The following TTLL5 variants were observed in gnomAD, a reference collection of about 807,000 sequenced individuals.
TTLL5 encodes the protein tubulin polyglutamylase TTLL5.
Under a neutral mutation model 168.4 loss-of-function variants are expected in TTLL5, and 132 were observed. The ratio of observed to expected loss-of-function variants is 0.78; its 90% CI spans 0.68 to 0.91. The LOEUF is 0.91. TTLL5 is among the 40% of genes least tolerant of loss of function. The probability of loss-of-function intolerance (pLI) is 0.00; values close to 1 mark genes in which losing one functional copy is unlikely to be tolerated. For missense variants in TTLL5, 1,545 were observed against 1,581.5 expected (o/e 0.98, Z 0.39); for synonymous variants, 546 against 558.6 (o/e 0.98, Z 0.32).
chr14:75,806,771 T>C (rs563469275), intron 27 of TTLL5, among the ~76,000 whole-genome samples: 2 of 152,360 alleles, frequency 1.3e-5, no homozygotes, highest in South Asian at 2.1e-4. Context: ...AAAAATGTGC[T>C]GATTCGACTG....
At chr14:75,878,683 G>A (rs2031635185) in intron 29 of TTLL5, among the ~76,000 whole-genome samples, 2 of 152,176 alleles carry the variant, frequency 1.3e-5, no homozygotes, top group Admixed American at 6.5e-5. Context: ...TTTTATCTAG[G>A]CAAGTGGCAG....
intron 27 of TTLL5, among the ~76,000 whole-genome samples, chr14:75,810,614 G>A (rs1369274646): frequency 6.6e-6 from 1 of 152,110 alleles, no homozygotes; most frequent in Non-Finnish European, 1.5e-5. Flanking sequence ...TGACCCTCCT[G>A]CCTCAGCCCC....
At chr14:75,720,786 T>A in intron 12 of TTLL5, 83 bp downstream of exon 12, 1 of 1,108,988 alleles carries the variant, frequency 9.0e-7, no homozygotes, top group Non-Finnish European at 1.4e-6. Context: ...AGAGGCTTAG[T>A]GATTCTATAG....
At chr14:75,878,545 T>G (rs979993841) in intron 29 of TTLL5, among the ~76,000 whole-genome samples, 2 of 152,216 alleles carry the variant, frequency 1.3e-5, no homozygotes, top group Non-Finnish European at 2.9e-5. Flanking sequence ...CATCTCATTG[T>G]CCAGAACATA....
chr14:75,698,313 A>T (rs1170508866), intron 6 of TTLL5, among the ~76,000 whole-genome samples: 1 of 152,212 alleles, frequency 6.6e-6, no homozygotes, highest in Non-Finnish European at 1.5e-5. Context: ...TAAAGTGTAA[A>T]GCTGAACCTG....
Position 75,745,135 on chromosome 14 carries a change from A to T in TTLL5, c.1322A>T (p.Asn441Ile). ...TCTGCCAGTGATGCGGAAATGAAAA[A>T]CCTCGTGGGCTCAGCCCGGGAGAAA... ...PLSASDAEMK[N>I]LVGSAREKGP... Residue 441 changes from asparagine to isoleucine, a missense_variant, in exon 16 of 32, where the codon AAC becomes ATC. By Grantham distance (149) the Asn-to-Ile change is moderately radical. Coordinates refer to ENST00000298832, the MANE Select transcript of TTLL5 (RefSeq NM_015072.5). The T allele has an allele frequency of 6.2e-7, 1 of 1,613,520 alleles. No individual in the cohort carries two copies. The highest frequency in any genetic ancestry group is 8.5e-7 in the Non-Finnish European group (1 of 1,179,716).
At chr14:75,678,354 C>T (rs1052889901) in intron 3 of TTLL5, among the ~76,000 whole-genome samples, 3 of 152,196 alleles carry the variant, frequency 2.0e-5, no homozygotes, top group African/African-American at 7.2e-5. Flanking sequence ...CATTATTCAG[C>T]TTGTGACTCC....
In TTLL5 at chr14:75,745,534, T is replaced by C; in HGVS notation, c.1440T>C (p.Gly480=). 6.2e-7 allele frequency: 1 copy of C among 1,613,910 alleles called. No homozygotes were observed. Among genetic ancestry groups the C allele is most frequent in the Non-Finnish European group, 8.5e-7 (1 of 1,179,968 alleles). The part of the protein sequence containing the change: ...RRVKEENDRR[G]GFIRIFPTSE... The stretch of plus-strand genomic sequence containing the variant: ...TGAAGGAGGAGAATGATCGGCGAGG[T>C]GGATTTATTCGCATATTTCCTACAT... Residue 480 remains glycine, a synonymous_variant, in exon 17 of 32, where the codon GGT becomes GGC. Transcript: ENST00000298832.
intron 7 of TTLL5, among the ~76,000 whole-genome samples, chr14:75,700,988 G>A (rs185944249): frequency 1.3e-5 from 2 of 151,042 alleles, no homozygotes; most frequent in East Asian, 1.9e-4. Flanking sequence ...ATTTGTCTCC[G>A]CTTTTAGAAC....
chr14:75,682,684 A>G (rs1884713417), intron 4 of TTLL5, among the ~76,000 whole-genome samples: 2 of 152,172 alleles, frequency 1.3e-5, no homozygotes, highest in Admixed American at 6.5e-5. Context: ...CACTTCCACT[A>G]TAGACACTTT....
At chr14:75,932,154 T>C (rs1323090295) in intron 31 of TTLL5, among the ~76,000 whole-genome samples, 1 of 152,242 alleles carries the variant, frequency 6.6e-6, no homozygotes, top group Admixed American at 6.5e-5. Flanking sequence ...CAACTACTTC[T>C]GTACTTCTTG....
chr14:75,674,720 G>A (rs1460060970), intron 3 of TTLL5, among the ~76,000 whole-genome samples: 2 of 152,030 alleles, frequency 1.3e-5, no homozygotes, highest in African/African-American at 4.8e-5. Flanking sequence ...GTCCCTGAAT[G>A]TGTTTATTTA....
intron 17 of TTLL5, among the ~76,000 whole-genome samples, chr14:75,750,098 A>G (rs1011993526): frequency 1.6e-4 from 24 of 152,124 alleles, no homozygotes; most frequent in African/African-American, 2.4e-5. Flanking sequence ...CCGTAACCAC[A>G]CAGTGAGACT....
At chr14:75,948,440 G>A (rs189407427) in intron 31 of TTLL5, among the ~76,000 whole-genome samples, 181 of 151,748 alleles carry the variant, frequency 1.2e-3, no homozygotes, top group African/African-American at 4.1e-3. Flanking sequence ...AGCCAAGACC[G>A]CGCCATTGCA....
At chr14:75,826,558 T>A (rs1471139838) in intron 28 of TTLL5, among the ~76,000 whole-genome samples, 3 of 152,190 alleles carry the variant, frequency 2.0e-5, no homozygotes, top group Non-Finnish European at 2.9e-5. Context: ...ATTTAACTGT[T>A]TACTTTATAA....
chr14:75,907,685 C>T (rs140632778), intron 31 of TTLL5, among the ~76,000 whole-genome samples: 48 of 152,316 alleles, frequency 3.2e-4, no homozygotes, highest in African/African-American at 1.1e-3. Context: ...AAATCCATGG[C>T]TTGGTCATAT....
chr14:75,934,540 C>G (rs1300018981), intron 31 of TTLL5, among the ~76,000 whole-genome samples: 2 of 151,978 alleles, frequency 1.3e-5, no homozygotes, highest in Non-Finnish European at 2.9e-5. Flanking sequence ...TTTTAATGGA[C>G]TAGATTGAAG....
At position 75,899,433 on chromosome 14, in the gene TTLL5, T is replaced by G. The variant is rs532989757; in HGVS notation, c.3741-2709T>G. Among the ~76,000 whole-genome samples, 18 of 152,354 alleles carry G rather than the reference T, an allele frequency of 1.2e-4. No homozygotes were observed. In the East Asian group the frequency reaches 3.5e-3, roughly 29 times the overall value. On this transcript the variant is annotated intron_variant, in intron 30 of 31. Coordinates refer to ENST00000298832, the MANE Select transcript of TTLL5 (RefSeq NM_015072.5). ...AATATATTTTCCCAAGGAAATGATG[T>G]TATCACAACAAAAGCATATTTACCC... is the stretch of plus-strand genomic sequence containing the variant.
At chr14:75,728,491 G>A (rs1334325265) in intron 12 of TTLL5, among the ~76,000 whole-genome samples, 1 of 152,082 alleles carries the variant, frequency 6.6e-6, no homozygotes, top group African/African-American at 2.4e-5. Flanking sequence ...CCTGGTGGAT[G>A]GGGTTACCAT....
Sources: gnomAD v4.1 joint callset for allele counts (sites outside exome capture counted in the v4.1 genomes callset) on GRCh38, gnomAD v4.1.1 for gene constraint, MANE v1.5 for transcripts, NCBI Gene and HGNC (gene_info 2026-07-23, HGNC 2026-07-21) for gene names.